NLGN4X: variants seen among roughly 807,000 people sequenced by gnomAD.
NLGN4X encodes neuroligin 4 X-linked.
NLGN4X carries 3 observed loss-of-function variants against 40.3 expected under a neutral mutation model. That is an observed-to-expected ratio of 0.07 (90% CI 0.03 to 0.19). The LOEUF is 0.19. Among genes scored for constraint, NLGN4X ranks in the 10% least tolerant of loss-of-function variants. NLGN4X has a pLI of 1.00. For synonymous variants in NLGN4X, 270 were observed against 306.8 expected (o/e 0.88, Z 1.25); for missense variants, 382 against 708.3 (o/e 0.54, Z 5.23).
intron 1 of NLGN4X, among the ~76,000 whole-genome samples, chrX:6,184,923 G>A (rs967042084): frequency 3.6e-5 from 4 of 112,171 alleles, no homozygotes; most frequent in Admixed American, 9.4e-5. Flanking sequence ...GGCACTGCCT[G>A]CCCTTCTTAG....
intron 1 of NLGN4X, among the ~76,000 whole-genome samples, chrX:6,182,488 T>C (rs1921562888): frequency 8.9e-6 from 1 of 112,069 alleles, no homozygotes; most frequent in Non-Finnish European, 1.9e-5. Context: ...GCATCAATCA[T>C]ACGATTATAG....
At chrX:6,185,860 C>T (rs1265855345) in intron 1 of NLGN4X, among the ~76,000 whole-genome samples, 1 of 111,539 alleles carries the variant, frequency 9.0e-6, no homozygotes, top group Non-Finnish European at 1.9e-5. Flanking sequence ...AAAACCCACA[C>T]GAACCAGCTG....
At chrX:6,036,373 GCTGT>G (rs1360183548) in intron 2 of NLGN4X, among the ~76,000 whole-genome samples, 1 of 111,390 alleles carries the variant, frequency 9.0e-6, no homozygotes, top group African/African-American at 3.3e-5. Flanking sequence ...ATAATTAGAT[GCTGT>G]CTTTCCTGTT....
intron 3 of NLGN4X, among the ~76,000 whole-genome samples, chrX:5,941,560 T>C (rs1302536031): frequency 8.9e-6 from 1 of 112,288 alleles, no homozygotes; most frequent in Non-Finnish European, 1.9e-5. Context: ...TGCACCTTTG[T>C]AGCTAAGAAC....
At chrX:6,032,405 C>CAAA (rs34229775) in intron 2 of NLGN4X, among the ~76,000 whole-genome samples, 1 of 65,658 alleles carries the variant, frequency 1.5e-5, no homozygotes, top group Non-Finnish European at 3.0e-5. Flanking sequence ...GCGACCAAGC[C>CAAA]AAAAAAAAAA....
At chrX:6,041,907 C>A (rs1330786540) in intron 2 of NLGN4X, among the ~76,000 whole-genome samples, 1 of 112,390 alleles carries the variant, frequency 8.9e-6, no homozygotes, top group Non-Finnish European at 1.9e-5. Context: ...GTAACTAATT[C>A]TCCTCTTCAA....
chrX:5,936,339 T>C lies in NLGN4X; in HGVS notation c.626-27100A>G, dbSNP rs1352010621. Reference sequence around the variant, plus strand: ...TACCAGATAAACATTAAAATAATTGTTTATCTGGAATGAAGAAAATTATAC... The same window carrying C: ...TACCAGATAAACATTAAAATAATTGCTTATCTGGAATGAAGAAAATTATAC... On this transcript the variant is annotated intron_variant, in intron 3 of 5. Transcript: ENST00000381095. Among the ~76,000 whole-genome samples the C allele has an allele frequency of 2.7e-5, 3 of 111,889 alleles. No individual in the cohort carries two copies. In the East Asian group the frequency reaches 8.4e-4, roughly 31 times the overall value.
chrX:5,934,782 T>TTA (rs1356096338), intron 3 of NLGN4X, among the ~76,000 whole-genome samples: 1 of 112,430 alleles, frequency 8.9e-6, no homozygotes, highest in Non-Finnish European at 1.9e-5. Flanking sequence ...AAAGGGAACA[T>TTA]AATAGAGTGA....
At chrX:5,906,873 A>G (rs1343824970) in intron 4 of NLGN4X, among the ~76,000 whole-genome samples, 1 of 111,059 alleles carries the variant, frequency 9.0e-6, no homozygotes, top group Non-Finnish European at 1.9e-5. Flanking sequence ...GAGGTCAGGA[A>G]GTTCGAGACT....
intron 3 of NLGN4X, among the ~76,000 whole-genome samples, chrX:5,958,887 T>C: frequency 8.9e-6 from 1 of 112,520 alleles, no homozygotes; most frequent in Middle Eastern, 4.6e-3. Context: ...GTAAAGTCAA[T>C]GTTGCAAGCT....
chrX:6,193,403 C>T (rs1287579244), intron 1 of NLGN4X, among the ~76,000 whole-genome samples: 4 of 64,458 alleles, frequency 6.2e-5, no homozygotes, highest in African/African-American at 1.2e-4. Context: ...AACGAGACTC[C>T]GTCTCAAAAA....
intron 2 of NLGN4X, among the ~76,000 whole-genome samples, chrX:6,147,510 T>C (rs2040073627): frequency 8.9e-6 from 1 of 112,062 alleles, no homozygotes; most frequent in African/African-American, 3.2e-5. Flanking sequence ...TGTACTGCCA[T>C]CCCCTCATGT....
intron 2 of NLGN4X, among the ~76,000 whole-genome samples, chrX:6,113,473 T>C (rs1294540891): frequency 9.0e-6 from 1 of 111,156 alleles, no homozygotes; most frequent in African/African-American, 3.3e-5. Flanking sequence ...AAATAAAAAG[T>C]AGTGACACAG....
chrX:6,047,838 C>G lies in NLGN4X; in HGVS notation c.473-18406G>C, dbSNP rs745461112. Among the ~76,000 whole-genome samples, 242 of 111,791 alleles carry G rather than the reference C, an allele frequency of 2.2e-3. 2 individuals carry two copies. Among genetic ancestry groups the G allele is most frequent in the Non-Finnish European group, 3.4e-3 (183 of 53,128 alleles). On this transcript the variant is annotated intron_variant, in intron 2 of 5. Coordinates refer to ENST00000381095, the MANE Select transcript of NLGN4X (RefSeq NM_181332.3). The stretch of plus-strand genomic sequence containing the variant: ...GGTGAGGACGTGCACCACTCCACCC[C>G]ACATGGGCCCTCCATACTCCTGGCT...
chrX:6,189,754 A>G (rs1922379425), intron 1 of NLGN4X, among the ~76,000 whole-genome samples: 1 of 111,217 alleles, frequency 9.0e-6, no homozygotes, highest in Admixed American at 9.7e-5. Context: ...AGCTACTGAA[A>G]TAATTACAAC....
chrX:5,893,210 G>A lies in NLGN4X; in HGVS notation c.2058C>T (p.Leu686=), dbSNP rs1420994753. ...SVTIAVGASL[L]FLNILAFAAL... ...CCGCAAAAGCTAAGATGTTGAGGAAGAGGAGCGACGCCCCGACGGCAATGG... is the reference window on the plus strand; with the variant it reads ...CCGCAAAAGCTAAGATGTTGAGGAAAAGGAGCGACGCCCCGACGGCAATGG... The change falls in exon 6 of 6, where the codon CTC becomes CTT. Residue 686 remains leucine (L), a synonymous_variant. Coordinates refer to ENST00000381095, the MANE Select transcript of NLGN4X (RefSeq NM_181332.3). 3 of 1,209,568 alleles carry A rather than the reference G, an allele frequency of 2.5e-6. No homozygotes were observed. Among genetic ancestry groups the A allele is most frequent in the Non-Finnish European group, 3.4e-6 (3 of 895,145 alleles).
chrX:6,207,791 T>C (rs912147372), intron 1 of NLGN4X, among the ~76,000 whole-genome samples: 1 of 111,982 alleles, frequency 8.9e-6, no homozygotes. Flanking sequence ...CCTTTTATTA[T>C]TAAAGATGTA....
At chrX:6,074,373 G>C (rs2038141869) in intron 2 of NLGN4X, among the ~76,000 whole-genome samples, 1 of 111,574 alleles carries the variant, frequency 9.0e-6, no homozygotes, top group Non-Finnish European at 1.9e-5. Context: ...GGAAGCCTGA[G>C]GTGGGGTGGT....
chrX:6,025,332 A>T lies in NLGN4X; in HGVS notation c.625+3948T>A, dbSNP rs758340716. Among the ~76,000 whole-genome samples, 5 of 111,968 alleles carry T rather than the reference A, an allele frequency of 4.5e-5. No homozygotes were observed. The South Asian group carries it at 1.9e-3, about 42-fold the overall frequency. ...CAGTTCTGATTATTTTTTAAAAAAT[A>T]GCAAACATGATGATCTTCTGATTTA... On this transcript the variant is annotated intron_variant, in intron 3 of 5. Transcript: ENST00000381095.
Sources: gnomAD v4.1 joint callset for allele counts (sites outside exome capture counted in the v4.1 genomes callset) on GRCh38, gnomAD v4.1.1 for gene constraint, MANE v1.5 for transcripts, NCBI Gene and HGNC (gene_info 2026-07-23, HGNC 2026-07-21) for gene names.